The following ZNF704 variants were observed in gnomAD, a reference collection of about 807,000 sequenced individuals.
ZNF704 encodes zinc finger protein 704, also known as glucocorticoid induced gene 1.
In ZNF704, 10 loss-of-function variants were observed where a neutral mutation model predicts 44.7. The ratio of observed to expected loss-of-function variants is 0.22; its 90% CI spans 0.14 to 0.38. ZNF704 has a LOEUF of 0.38. Ranked by LOEUF, ZNF704 falls within the 10% of genes least tolerant of loss-of-function variation. The pLI is 1.00. For missense variants in ZNF704, 390 were observed against 545.5 expected (o/e 0.71, Z 2.84); for synonymous variants, 211 against 207.6 (o/e 1.02, Z -0.14).
intron 3 of ZNF704, among the ~76,000 whole-genome samples, chr8:80,692,313 C>T (rs1012524114): frequency 7.2e-5 from 11 of 152,200 alleles, no homozygotes; most frequent in African/African-American, 2.4e-4. Flanking sequence ...TTAGTTTACT[C>T]ATCTGTAAAA....
chr8:80,776,969 T>C (rs1807423612), intron 2 of ZNF704: 1 of 152,210 alleles, frequency 6.6e-6, no homozygotes, highest in Non-Finnish European at 1.5e-5. Context: ...CTGCTGATTG[T>C]TTTCTTTGTG....
Position 80,823,277 on chromosome 8 carries a change from C to T in ZNF704, c.-21-1662G>A, listed in dbSNP as rs567599842. On this transcript the variant is annotated intron_variant, in intron 1 of 8. Coordinates refer to ENST00000327835, the MANE Select transcript of ZNF704 (RefSeq NM_001033723.3). ...AACAGCACACCAGGAGACTATATCC[C>T]GTGCCTGGCTCGGAGGGTCCCACAC... Among the ~76,000 whole-genome samples the T allele has an allele frequency of 2.6e-5, 4 of 152,330 alleles. No individual in the cohort carries two copies. The South Asian group carries it at 6.2e-4, about 24-fold the overall frequency.
chr8:80,680,805 TTGGA>T (rs1214366592), intron 4 of ZNF704, among the ~76,000 whole-genome samples: 2 of 152,142 alleles, frequency 1.3e-5, no homozygotes, highest in Non-Finnish European at 2.9e-5. Flanking sequence ...AGTAGAGATT[TTGGA>T]TCTTCAAGGT....
At chr8:80,700,047 A>G (rs1818784881) in intron 2 of ZNF704, among the ~76,000 whole-genome samples, 1 of 151,986 alleles carries the variant, frequency 6.6e-6, no homozygotes, top group Admixed American at 6.6e-5. Flanking sequence ...CCACATGCAA[A>G]AGCTCCTGGT....
chr8:80,854,371 C>T (rs1322685925), intron 1 of ZNF704, among the ~76,000 whole-genome samples: 2 of 152,140 alleles, frequency 1.3e-5, no homozygotes, highest in Non-Finnish European at 2.9e-5. Context: ...AAAAGACACA[C>T]CAAAAATACT....
intron 2 of ZNF704, among the ~76,000 whole-genome samples, chr8:80,724,845 C>T (rs1806447958): frequency 6.6e-6 from 1 of 152,178 alleles, no homozygotes; most frequent in African/African-American, 2.4e-5. Flanking sequence ...AGTCTCTGCT[C>T]CATTCATTCT....
At chr8:80,659,903 G>C (rs543261286) in intron 6 of ZNF704, among the ~76,000 whole-genome samples, 3 of 149,372 alleles carry the variant, frequency 2.0e-5, no homozygotes, top group Admixed American at 2.0e-4. Flanking sequence ...GGTATAAAAA[G>C]AGATGGTTTT....
At chr8:80,685,965 C>T (rs183578900) in intron 4 of ZNF704, among the ~76,000 whole-genome samples, 1 of 152,302 alleles carries the variant, frequency 6.6e-6, no homozygotes, top group Non-Finnish European at 1.5e-5. Context: ...GCTACCAATA[C>T]AACATTTAAA....
the ZNF704 span, among the ~76,000 whole-genome samples, chr8:80,881,554 C>A: frequency 2.0e-5 from 3 of 152,106 alleles, no homozygotes; most frequent in Non-Finnish European, 4.4e-5. Context: ...CCGTAGGATA[C>A]CTGCTAACCT....
chr8:80,645,322 T>C (rs895182141), intron 7 of ZNF704: 36 of 739,238 alleles, frequency 4.9e-5, no homozygotes, highest in African/African-American at 4.3e-4. Flanking sequence ...AGGAATAGCA[T>C]TGTCACTTAA....
chr8:80,883,264 A>G, the ZNF704 span, among the ~76,000 whole-genome samples: 3 of 150,746 alleles, frequency 2.0e-5, no homozygotes, highest in Admixed American at 2.0e-4. Flanking sequence ...AAAAAAAAAA[A>G]AGAAAGAAAT....
At chr8:80,735,763 T>C (rs1359072168) in intron 2 of ZNF704, among the ~76,000 whole-genome samples, 3 of 152,228 alleles carry the variant, frequency 2.0e-5, no homozygotes, top group East Asian at 1.9e-4. Flanking sequence ...ACACTAATTG[T>C]AGGTTGTCTA....
intron 2 of ZNF704, among the ~76,000 whole-genome samples, chr8:80,799,567 G>C (rs1483733310): frequency 6.6e-6 from 1 of 152,108 alleles, no homozygotes; most frequent in East Asian, 1.9e-4. Flanking sequence ...TAATCCTACA[G>C]GACAGTGGCT....
At chr8:80,762,517 A>C (rs1807149983) in intron 2 of ZNF704, among the ~76,000 whole-genome samples, 1 of 152,210 alleles carries the variant, frequency 6.6e-6, no homozygotes, top group Admixed American at 6.5e-5. Flanking sequence ...TCACGAGAAC[A>C]GCATGGGGGA....
chr8:80,799,917 A>AT (rs1354057440), intron 2 of ZNF704, among the ~76,000 whole-genome samples: 3 of 152,196 alleles, frequency 2.0e-5, no homozygotes, highest in African/African-American at 4.8e-5. Context: ...GCTAAGAGTC[A>AT]TAAAAAAAAC....
At chr8:80,646,786 T>C (rs1354094956) in intron 7 of ZNF704, among the ~76,000 whole-genome samples, 2 of 152,292 alleles carry the variant, frequency 1.3e-5, no homozygotes, top group East Asian at 3.9e-4. Flanking sequence ...CTACAGTCAC[T>C]GTAGATGATC....
intron 2 of ZNF704, among the ~76,000 whole-genome samples, chr8:80,805,466 T>C (rs2129812718): frequency 6.6e-6 from 1 of 152,292 alleles, no homozygotes; most frequent in South Asian, 2.1e-4. Flanking sequence ...TAACATCTTT[T>C]CTTAGATAAC....
intron 4 of ZNF704, among the ~76,000 whole-genome samples, chr8:80,679,983 T>C (rs562721321): frequency 4.6e-5 from 7 of 152,326 alleles, no homozygotes; most frequent in Middle Eastern, 6.8e-3. Context: ...CTTGGGTCTA[T>C]TGGCTGAGAC....
chr8:80,778,658 A>C (rs1306483081), intron 2 of ZNF704, among the ~76,000 whole-genome samples: 1 of 152,154 alleles, frequency 6.6e-6, no homozygotes, highest in Non-Finnish European at 1.5e-5. Flanking sequence ...CATACCCATC[A>C]CGGAATACTA....
Sources: gnomAD v4.1 joint callset for allele counts (sites outside exome capture counted in the v4.1 genomes callset) on GRCh38, gnomAD v4.1.1 for gene constraint, MANE v1.5 for transcripts, NCBI Gene and HGNC (gene_info 2026-07-23, HGNC 2026-07-21) for gene names.